TCF12: variants seen among roughly 807,000 people sequenced by gnomAD.
The protein encoded by TCF12 is transcription factor 12.
A neutral mutation model predicts 86.0 loss-of-function variants in TCF12; 45 were observed. The observed-to-expected ratio is 0.52, with a 90% CI of 0.41 to 0.67. TCF12 has a LOEUF of 0.67. Among genes scored for constraint, TCF12 ranks in the 30% least tolerant of loss-of-function variants. TCF12 has a pLI of 0.00. For missense variants in TCF12, 881 were observed against 859.9 expected (o/e 1.02, Z -0.31); for synonymous variants, 330 against 299.6 (o/e 1.10, Z -1.05).
At position 56,921,075 on chromosome 15, in the gene TCF12, G is replaced by C; in HGVS notation, c.125G>C (p.Gly42Ala). The C allele has an allele frequency of 6.2e-7, 1 of 1,609,348 alleles. No individual in the cohort carries two copies. The highest frequency in any genetic ancestry group is 8.5e-7 in the Non-Finnish European group (1 of 1,177,382). Residue 42 changes from glycine (G) to alanine (A), a missense_variant, in exon 3 of 21, where the codon GGA (glycine) becomes GCA (alanine). Physicochemically the swap from Gly to Ala is moderately conservative, Grantham distance 60. Transcript: ENST00000333725. ...NSGKTRPTTLGSSQFSGSGID... is the reference protein window; with the variant it reads ...NSGKTRPTTLASSQFSGSGID... ...GGGAAAACTAGACCAACTACACTGGGAAGCAGTCAATTCAGTGGATCAGGT... is the reference window on the plus strand; with the variant it reads ...GGGAAAACTAGACCAACTACACTGGCAAGCAGTCAATTCAGTGGATCAGGT...
At chr15:57,266,873 C>CA (rs1466526395) in intron 18 of TCF12, among the ~76,000 whole-genome samples, 26 of 151,976 alleles carry the variant, frequency 1.7e-4, no homozygotes, top group Admixed American at 1.7e-3. Context: ...TCTGTCTCTA[C>CA]AAAAAATTAG....
chr15:57,060,868 T>C (rs933279521), intron 3 of TCF12, among the ~76,000 whole-genome samples: 2 of 152,232 alleles, frequency 1.3e-5, no homozygotes, highest in African/African-American at 2.4e-5. Flanking sequence ...ATTATTCCTG[T>C]CATATTTCTG....
At chr15:57,175,124 T>C (rs2055814415) in intron 6 of TCF12, among the ~76,000 whole-genome samples, 1 of 151,986 alleles carries the variant, frequency 6.6e-6, no homozygotes, top group South Asian at 2.1e-4. Context: ...GGCAGGAGGA[T>C]TGTTTGAGGC....
At chr15:57,230,909 C>T (rs1267187186) in intron 8 of TCF12, among the ~76,000 whole-genome samples, 2 of 150,902 alleles carry the variant, frequency 1.3e-5, no homozygotes, top group African/African-American at 4.9e-5. Context: ...TACCAAGATG[C>T]ATTACAGAGA....
chr15:57,244,080 T>C (rs924007641), intron 13 of TCF12, among the ~76,000 whole-genome samples: 2 of 152,122 alleles, frequency 1.3e-5, no homozygotes, highest in African/African-American at 4.8e-5. Flanking sequence ...GGTCTCATTA[T>C]GTTGCCCAGC....
intron 8 of TCF12, among the ~76,000 whole-genome samples, chr15:57,199,839 T>C (rs1229964210): frequency 6.6e-6 from 1 of 152,200 alleles, no homozygotes; most frequent in African/African-American, 2.4e-5. Context: ...ACTGAAAGTA[T>C]GTTTTAGATA....
chr15:57,018,089 G>A (rs1174173961), intron 3 of TCF12, among the ~76,000 whole-genome samples: 4 of 152,164 alleles, frequency 2.6e-5, no homozygotes, highest in Admixed American at 2.6e-4. Flanking sequence ...CGACCTAAAA[G>A]GAAGAAGCTG....
At position 57,253,439 on chromosome 15, in the gene TCF12, CTTG is replaced by C; in HGVS notation, c.1442_1444del (p.Val481del). On this transcript the variant is annotated inframe_deletion, in exon 16 of 21. Transcript: ENST00000333725. ...CAATTCAAACTATGGAGGATCAAGCCTTGTTGCAAGCAGTCGATCAGCTTCAAT... is the reference window on the plus strand; with the variant it reads ...CAATTCAAACTATGGAGGATCAAGCCTTGCAAGCAGTCGATCAGCTTCAAT... 6.2e-7 allele frequency: 1 copy of C among 1,614,052 alleles called. No individual in the cohort carries two copies. Among genetic ancestry groups the C allele is most frequent in the East Asian group, 2.2e-5 (1 of 44,870 alleles).
chr15:57,208,380 C>CTTTTTTT (rs1184422578), intron 8 of TCF12, among the ~76,000 whole-genome samples: 7,261 of 65,154 alleles, frequency 0.11, 808 homozygotes, highest in African/African-American at 0.13. Context: ...CAAAAATATC[C>CTTTTTTT]TTTTTTTTTT....
chr15:57,006,030 T>G (rs776105332), intron 3 of TCF12, among the ~76,000 whole-genome samples: 1 of 152,214 alleles, frequency 6.6e-6, no homozygotes, highest in Non-Finnish European at 1.5e-5. Context: ...TTTATTAGAC[T>G]GTAAGGTCAT....
intron 3 of TCF12, among the ~76,000 whole-genome samples, chr15:56,955,084 A>G (rs549649556): frequency 1.3e-5 from 2 of 152,350 alleles, no homozygotes; most frequent in Non-Finnish European, 2.9e-5. Context: ...TCACACTACT[A>G]TAAAGACACA....
chr15:57,195,193 G>A (rs1233061443), intron 7 of TCF12, among the ~76,000 whole-genome samples: 5 of 152,084 alleles, frequency 3.3e-5, no homozygotes, highest in East Asian at 1.9e-4. Context: ...ATGAGCCACC[G>A]CACCCAGCCA....
intron 5 of TCF12, among the ~76,000 whole-genome samples, chr15:57,154,614 G>A (rs1311474833): frequency 6.6e-6 from 1 of 152,012 alleles, no homozygotes; most frequent in East Asian, 1.9e-4. Flanking sequence ...ACTTTCTTTG[G>A]TGAATCTTTG....
intron 5 of TCF12, among the ~76,000 whole-genome samples, chr15:57,111,553 G>A (rs1351070148): frequency 6.6e-6 from 1 of 150,666 alleles, no homozygotes; most frequent in East Asian, 1.9e-4. Context: ...TGCCTGTGTG[G>A]TGCAGAGGAA....
At chr15:57,098,027 A>C (rs1385770776) in intron 5 of TCF12, among the ~76,000 whole-genome samples, 2 of 149,826 alleles carry the variant, frequency 1.3e-5, no homozygotes, top group African/African-American at 2.4e-5. Context: ...AAAAAAAAAA[A>C]AAAAAAAACC....
chr15:57,223,276 T>C (rs1475067635), intron 8 of TCF12, among the ~76,000 whole-genome samples: 1 of 152,058 alleles, frequency 6.6e-6, no homozygotes, highest in Non-Finnish European at 1.5e-5. Flanking sequence ...TCCAAGGACA[T>C]GTAAATTAGT....
Position 57,262,101 on chromosome 15 carries a change from C to A in TCF12, c.1475C>A (p.Thr492Asn). ...ASSRSASMVG[T>N]HREDSVSLNG... is the part of the protein sequence containing the mutation. Reference sequence around the variant, plus strand: ...GGTTTTCCTTAACTTTAGGTTGGAACTCATCGGGAAGACTCTGTCAGTCTC... The same window carrying A: ...GGTTTTCCTTAACTTTAGGTTGGAAATCATCGGGAAGACTCTGTCAGTCTC... Residue 492 changes from threonine (T) to asparagine (N), a missense_variant, in exon 17 of 21, where the codon ACT becomes AAT. Coordinates refer to ENST00000333725, the MANE Select transcript of TCF12 (RefSeq NM_207037.2). The A allele has an allele frequency of 6.2e-7, 1 of 1,610,052 alleles. No homozygotes were observed. The highest frequency in any genetic ancestry group is 2.2e-5 in the East Asian group (1 of 44,820).
intron 3 of TCF12, among the ~76,000 whole-genome samples, chr15:56,965,133 T>C (rs1003953604): frequency 1.3e-5 from 2 of 152,202 alleles, no homozygotes; most frequent in Non-Finnish European, 1.5e-5. Flanking sequence ...TTAATTCTTA[T>C]GTGAAACCTT....
chr15:57,128,675 A>G (rs982248196), intron 5 of TCF12, among the ~76,000 whole-genome samples: 15 of 152,218 alleles, frequency 9.9e-5, no homozygotes, highest in African/African-American at 3.4e-4. Flanking sequence ...CCCCGTACCT[A>G]TTAGAAGTCA....
Sources: gnomAD v4.1 joint callset for allele counts (sites outside exome capture counted in the v4.1 genomes callset) on GRCh38, gnomAD v4.1.1 for gene constraint, MANE v1.5 for transcripts, NCBI Gene and HGNC (gene_info 2026-07-23, HGNC 2026-07-21) for gene names.